Variants in CSMD1 observed in about 807,000 individuals in gnomAD.
CSMD1 encodes CUB and sushi domain-containing protein 1.
CSMD1 carries 213 observed loss-of-function variants against 417.5 expected under a neutral mutation model. That is an observed-to-expected ratio of 0.51 (90% CI 0.46 to 0.57). The LOEUF (loss-of-function observed/expected upper bound fraction) is 0.57. Among genes scored for constraint, CSMD1 ranks in the 20% least tolerant of loss-of-function variants. CSMD1 has a pLI of 0.00. For missense variants in CSMD1, 6,923 were observed against 4,529.7 expected (o/e 1.53, Z -15.17); for synonymous variants, 2,862 against 1,736.8 (o/e 1.65, Z -16.11).
intron 1 of CSMD1, among the ~76,000 whole-genome samples, chr8:4,948,555 A>T (rs10104917): frequency 2.0e-5 from 3 of 151,988 alleles, no homozygotes; most frequent in African/African-American, 4.8e-5. Context: ...TCTGCTAGAA[A>T]ATTTATTCAT....
At chr8:3,627,468 A>G (rs1796551154) in intron 7 of CSMD1, among the ~76,000 whole-genome samples, 1 of 152,214 alleles carries the variant, frequency 6.6e-6, no homozygotes, top group Admixed American at 6.5e-5. Context: ...TAGGTTATTT[A>G]AAGTCGTGCT....
chr8:3,041,252 A>G (rs1256316422), intron 50 of CSMD1, among the ~76,000 whole-genome samples: 3 of 152,302 alleles, frequency 2.0e-5, no homozygotes, highest in East Asian at 1.9e-4. Context: ...TTAAATAGAT[A>G]TGTACTACAG....
At chr8:4,581,353 A>C (rs770885671) in intron 2 of CSMD1, among the ~76,000 whole-genome samples, 1 of 152,348 alleles carries the variant, frequency 6.6e-6, no homozygotes, top group African/African-American at 2.4e-5. Flanking sequence ...ATTAAATCTT[A>C]CTACCTCTCG....
intron 5 of CSMD1, among the ~76,000 whole-genome samples, chr8:3,786,186 G>C (rs1391825389): frequency 6.6e-6 from 1 of 152,160 alleles, no homozygotes; most frequent in Non-Finnish European, 1.5e-5. Flanking sequence ...ATTGGGACAT[G>C]AGATCTCCCC....
At position 3,670,943 on chromosome 8, in the gene CSMD1, G is replaced by C. The variant is rs191396287; in HGVS notation, c.1009+37471C>G. 2.0e-4 allele frequency among the ~76,000 whole-genome samples: 16 copies of C among 79,902 alleles called. 1 individual carries two copies. The East Asian group carries it at 3.6e-3, about 18-fold the overall frequency. The allele number at this position is 79,902 out of a possible 152,430, so 52.4% of individuals were successfully genotyped here. A position where few individuals can be genotyped will look rare whatever the true frequency, so the allele number is the denominator to read the frequency against. ...ATATGTATATGGGATATATATGTAT[G>C]GGTATATGTGTATGGGATATATGTA... On this transcript the variant is annotated intron_variant, in intron 7 of 69. Coordinates refer to ENST00000635120, the MANE Select transcript of CSMD1 (RefSeq NM_033225.6).
intron 12 of CSMD1, among the ~76,000 whole-genome samples, chr8:3,449,262 T>C (rs924080204): frequency 1.2e-4 from 18 of 152,312 alleles, no homozygotes; most frequent in African/African-American, 4.1e-4. Flanking sequence ...AGGCTTATTC[T>C]GAAAAATATC....
intron 5 of CSMD1, among the ~76,000 whole-genome samples, chr8:3,788,710 T>C (rs1385489924): frequency 6.6e-6 from 1 of 152,208 alleles, no homozygotes; most frequent in African/African-American, 2.4e-5. Context: ...TGAGTCTAAG[T>C]AGCCATTCAG....
chr8:3,801,729 C>T (rs1442105776), intron 5 of CSMD1, among the ~76,000 whole-genome samples: 1 of 152,146 alleles, frequency 6.6e-6, no homozygotes, highest in African/African-American at 2.4e-5. Context: ...TTCAAGCATT[C>T]ACCAACTGAT....
At chr8:3,615,046 G>C (rs1241387695) in intron 8 of CSMD1, among the ~76,000 whole-genome samples, 1 of 152,164 alleles carries the variant, frequency 6.6e-6, no homozygotes, top group East Asian at 1.9e-4. Flanking sequence ...GTTTTCAAAA[G>C]AGATAAAATT....
At chr8:3,577,639 G>A (rs1202922150) in intron 9 of CSMD1, among the ~76,000 whole-genome samples, 1 of 152,066 alleles carries the variant, frequency 6.6e-6, no homozygotes, top group African/African-American at 2.4e-5. Context: ...TTCTGAATAG[G>A]TGTAACAGCC....
intron 7 of CSMD1, among the ~76,000 whole-genome samples, chr8:3,661,246 C>G (rs1052510330): frequency 6.6e-6 from 1 of 152,180 alleles, no homozygotes; most frequent in East Asian, 1.9e-4. Flanking sequence ...AGAGCTCAGC[C>G]TTGGCCAGTC....
At chr8:3,197,822 A>C (rs1796786978) in intron 33 of CSMD1, among the ~76,000 whole-genome samples, 1 of 152,200 alleles carries the variant, frequency 6.6e-6, no homozygotes, top group African/African-American at 2.4e-5. Context: ...TGTTCCATTT[A>C]ACTTTTCATG....
At chr8:3,926,083 ACACAC>A in intron 5 of CSMD1, among the ~76,000 whole-genome samples, 1 of 6,882 alleles carries the variant, frequency 1.5e-4, no homozygotes, top group Non-Finnish European at 2.6e-4. Context: ...CAAACACCAT[ACACAC>A]ACACACACAC....
At chr8:4,974,480 T>C (rs981837039) in intron 1 of CSMD1, among the ~76,000 whole-genome samples, 1 of 150,434 alleles carries the variant, frequency 6.6e-6, no homozygotes, top group Non-Finnish European at 1.5e-5. Context: ...AATCACTACA[T>C]GTTGATGGAG....
chr8:4,113,960 T>C (rs376551891), intron 3 of CSMD1, among the ~76,000 whole-genome samples: 1 of 152,340 alleles, frequency 6.6e-6, no homozygotes, highest in East Asian at 1.9e-4. Context: ...ATCTCCATAA[T>C]ATAAAAGTTC....
chr8:3,877,687 G>C lies in CSMD1; in HGVS notation c.818+120216C>G, dbSNP rs1014525156. On this transcript the variant is annotated intron_variant, in intron 5 of 69. Coordinates refer to ENST00000635120, the MANE Select transcript of CSMD1 (RefSeq NM_033225.6). ...GAATAAGGGTCTGAGCACATGGCTT[G>C]TACATTTTATATATTTTCATATGCA... is the stretch of plus-strand genomic sequence containing the variant. Among the ~76,000 whole-genome samples the C allele has an allele frequency of 1.5e-5, 2 of 129,800 alleles. 1 individual carries two copies. Among genetic ancestry groups the C allele is most frequent in the Non-Finnish European group, 3.2e-5 (2 of 62,486 alleles). 85.2% of individuals were successfully genotyped at this position (129,800 alleles called of 152,430 possible). A position where few individuals can be genotyped will look rare whatever the true frequency, so the allele number is the denominator to read the frequency against.
At chr8:3,809,478 G>C (rs1023869856) in intron 5 of CSMD1, among the ~76,000 whole-genome samples, 1 of 152,162 alleles carries the variant, frequency 6.6e-6, no homozygotes, top group Admixed American at 6.6e-5. Flanking sequence ...TTCATACTGG[G>C]CTGCGTGATC....
chr8:4,878,342 CACATAAG>C (rs1803179467), intron 1 of CSMD1, among the ~76,000 whole-genome samples: 3 of 152,028 alleles, frequency 2.0e-5, no homozygotes, highest in African/African-American at 7.3e-5. Flanking sequence ...GGAAAATGTA[CACATAAG>C]TTGTGTCATT....
intron 27 of CSMD1, among the ~76,000 whole-genome samples, chr8:3,225,036 C>T (rs1798415299): frequency 6.6e-6 from 1 of 152,130 alleles, no homozygotes; most frequent in Non-Finnish European, 1.5e-5. Flanking sequence ...GTCACACATG[C>T]ACTAAAAAAT....
Sources: gnomAD v4.1 joint callset for allele counts (sites outside exome capture counted in the v4.1 genomes callset) on GRCh38, gnomAD v4.1.1 for gene constraint, MANE v1.5 for transcripts, NCBI Gene and HGNC (gene_info 2026-07-23, HGNC 2026-07-21) for gene names.